NFIA: variants seen among roughly 807,000 people sequenced by gnomAD.
NFIA encodes the protein nuclear factor 1 A-type.
NFIA carries 8 observed loss-of-function variants against 62.8 expected under a neutral mutation model. The ratio of observed to expected loss-of-function variants is 0.13; its 90% confidence interval spans 0.07 to 0.23. The LOEUF (loss-of-function observed/expected upper bound fraction) is 0.23, where lower values mean the gene tolerates loss of function less well. NFIA is among the 10% of genes least tolerant of loss of function. The probability of loss-of-function intolerance (pLI) is 1.00; values close to 1 mark genes in which losing one functional copy is unlikely to be tolerated. For missense variants in NFIA, 410 were observed against 642.1 expected (o/e 0.64, Z 3.91); for synonymous variants, 235 against 238.1 (o/e 0.99, Z 0.12).
At chr1:61,429,388 G>A (rs1038405781) in intron 10 of NFIA, among the ~76,000 whole-genome samples, 3 of 152,180 alleles carry the variant, frequency 2.0e-5, no homozygotes, top group African/African-American at 7.2e-5. Flanking sequence ...TTTGCACCCA[G>A]TTCTGTCTGA....
At chr1:61,117,075 A>T (rs1319443023) in intron 2 of NFIA, among the ~76,000 whole-genome samples, 1 of 152,218 alleles carries the variant, frequency 6.6e-6, no homozygotes, top group African/African-American at 2.4e-5. Flanking sequence ...TAGCTTTATG[A>T]ACTATATTTT....
chr1:61,162,737 G>T (rs755522474), intron 2 of NFIA, among the ~76,000 whole-genome samples: 1 of 152,048 alleles, frequency 6.6e-6, no homozygotes, highest in Admixed American at 6.5e-5. Context: ...CCGTAGCTGT[G>T]GTGTCTGCTG....
At chr1:61,113,015 C>T (rs895727874) in intron 2 of NFIA, among the ~76,000 whole-genome samples, 2 of 152,144 alleles carry the variant, frequency 1.3e-5, no homozygotes, top group African/African-American at 4.8e-5. Context: ...GTGATAAGAT[C>T]AGGAATAAGA....
At chr1:61,134,063 T>C (rs1401895897) in intron 2 of NFIA, among the ~76,000 whole-genome samples, 2 of 150,088 alleles carry the variant, frequency 1.3e-5, no homozygotes. Context: ...GAGGCAGAGG[T>C]TACAGTGAGC....
At chr1:61,185,032 T>C (rs1651060411) in intron 2 of NFIA, among the ~76,000 whole-genome samples, 1 of 152,196 alleles carries the variant, frequency 6.6e-6, no homozygotes. Context: ...ATTTAAACAC[T>C]TTTAAAAGGT....
intron 2 of NFIA, among the ~76,000 whole-genome samples, chr1:61,147,298 GCAC>G (rs2100515390): frequency 6.6e-6 from 1 of 152,202 alleles, no homozygotes; most frequent in South Asian, 2.1e-4. Flanking sequence ...TTACAGGTGG[GCAC>G]CACCATGCCT....
intron 6 of NFIA, among the ~76,000 whole-genome samples, chr1:61,379,402 CTTTTTTTTTTTTT>C (rs60735193): frequency 2.0e-5 from 2 of 98,264 alleles, no homozygotes; most frequent in African/African-American, 8.0e-5. Context: ...TTTTCTTTTT[CTTTTTTTTTTTTT>C]TTTTTTTTTT....
chr1:61,111,306 ATTC>A (rs112881261), intron 2 of NFIA, among the ~76,000 whole-genome samples: 8 of 152,162 alleles, frequency 5.3e-5, no homozygotes, highest in African/African-American at 1.7e-4. Flanking sequence ...CTGTGCGCTT[ATTC>A]TGTACTGAGC....
chr1:61,274,488 A>G (rs926527494), intron 2 of NFIA, among the ~76,000 whole-genome samples: 1 of 152,186 alleles, frequency 6.6e-6, no homozygotes, highest in African/African-American at 2.4e-5. Flanking sequence ...CTGGCTTTCA[A>G]CCAGTAAGCC....
chr1:61,197,733 G>A (rs1239741375), intron 2 of NFIA, among the ~76,000 whole-genome samples: 1 of 151,870 alleles, frequency 6.6e-6, no homozygotes, highest in Non-Finnish European at 1.5e-5. Flanking sequence ...TGTAATCCCA[G>A]CACTTTGGGA....
At chr1:61,087,656 A>G (rs1295971676) in intron 1 of NFIA, among the ~76,000 whole-genome samples, 3 of 152,200 alleles carry the variant, frequency 2.0e-5, no homozygotes, top group Non-Finnish European at 4.4e-5. Flanking sequence ...GATTGTAGAG[A>G]TGATTTTTTG....
intron 2 of NFIA, among the ~76,000 whole-genome samples, chr1:61,210,077 T>C (rs1653149733): frequency 6.6e-6 from 1 of 152,154 alleles, no homozygotes; most frequent in South Asian, 2.1e-4. Flanking sequence ...CCAGGTGTTG[T>C]AGGATAGAAA....
chr1:61,342,620 G>A (rs1557719300), intron 4 of NFIA, among the ~76,000 whole-genome samples: 2 of 152,198 alleles, frequency 1.3e-5, no homozygotes, highest in South Asian at 4.1e-4. Context: ...TCTTGCTGAC[G>A]CTTATAAAGT....
chr1:61,445,888 C>A (rs1271090236), intron 10 of NFIA, among the ~76,000 whole-genome samples: 1 of 152,018 alleles, frequency 6.6e-6, no homozygotes, highest in African/African-American at 2.4e-5. Context: ...AAAGTTGGAC[C>A]CCTGACTCCC....
chr1:61,235,463 A>AAAATAAATAAATAAATAAAT (rs200048964), intron 2 of NFIA, among the ~76,000 whole-genome samples: 5 of 121,528 alleles, frequency 4.1e-5, no homozygotes, highest in Admixed American at 7.9e-5. Flanking sequence ...ACTCCATCTC[A>AAAATAAATAAATAAATAAAT]AAATAAATAA....
chr1:61,403,913 A>C (rs1425493280), intron 7 of NFIA, among the ~76,000 whole-genome samples, 191 bp from the exon 8 acceptor site: 1 of 152,174 alleles, frequency 6.6e-6, no homozygotes, highest in East Asian at 1.9e-4. Context: ...CTCTACCCTA[A>C]TCTAACCTCC....
At chr1:61,085,465 C>T (rs1646202279) in intron 1 of NFIA, among the ~76,000 whole-genome samples, 1 of 152,080 alleles carries the variant, frequency 6.6e-6, no homozygotes, top group Non-Finnish European at 1.5e-5. Context: ...AACTTTCTCA[C>T]TGAGTACATA....
chr1:61,264,486 A>C (rs1657011358), intron 2 of NFIA, among the ~76,000 whole-genome samples: 1 of 151,748 alleles, frequency 6.6e-6, no homozygotes, highest in Admixed American at 6.6e-5. Flanking sequence ...TCTACTAAAA[A>C]ATACAAAAAA....
chr1:61,359,129 A>C lies in NFIA; in HGVS notation c.819-18A>C. Reference sequence around the variant, plus strand: ...TGGTTGCGATTGCTTTTAAACATGCACCCATTTGTTATTTCAGCTCCACAA... The same window carrying C: ...TGGTTGCGATTGCTTTTAAACATGCCCCCATTTGTTATTTCAGCTCCACAA... On this transcript the variant is annotated intron_variant, in intron 5 of 10. Coordinates refer to ENST00000403491, the MANE Select transcript of NFIA (RefSeq NM_001134673.4). The C allele has an allele frequency of 6.2e-7, 1 of 1,612,276 alleles. No individual in the cohort carries two copies. Among genetic ancestry groups the C allele is most frequent in the Non-Finnish European group, 8.5e-7 (1 of 1,179,328 alleles).
Sources: allele counts gnomAD v4.1 joint callset (sites outside exome capture counted in the v4.1 genomes callset), GRCh38; gene constraint gnomAD v4.1.1; transcripts MANE v1.5; gene names NCBI Gene and HGNC (gene_info 2026-07-23, HGNC 2026-07-21).